The following DSE variants were observed in gnomAD, a reference collection of about 807,000 sequenced individuals.
The protein encoded by DSE is dermatan sulfate epimerase.
DSE carries 36 observed loss-of-function variants against 84.4 expected under a neutral mutation model. That is an observed-to-expected ratio of 0.43 (90% confidence interval 0.33 to 0.56). The LOEUF (loss-of-function observed/expected upper bound fraction) is 0.56, where lower values mean the gene tolerates loss of function less well. Ranked by LOEUF, DSE falls within the 20% of genes least tolerant of loss-of-function variation. The pLI is 0.06. For synonymous variants in DSE, 410 were observed against 430.1 expected (o/e 0.95, Z 0.58); for missense variants, 862 against 1,169.6 (o/e 0.74, Z 3.84).
At chr6:116,286,364 T>C (rs1050268289) in intron 2 of DSE, among the ~76,000 whole-genome samples, 1 of 152,134 alleles carries the variant, frequency 6.6e-6, no homozygotes, top group Non-Finnish European at 1.5e-5. Context: ...TTCTTCTCTC[T>C]TCCCTCTTTC....
At chr6:116,403,024 A>C (rs1427259837) in intron 2 of DSE, among the ~76,000 whole-genome samples, 1 of 152,262 alleles carries the variant, frequency 6.6e-6, no homozygotes, top group Non-Finnish European at 1.5e-5. Flanking sequence ...TCCATCTAAT[A>C]GCCTACAAAG....
upstream of DSE, among the ~76,000 whole-genome samples, chr6:116,368,748 G>A (rs1779316382): frequency 6.6e-6 from 1 of 152,224 alleles, no homozygotes. Context: ...GGGTTTGAGA[G>A]AGATGTTGGC....
At chr6:116,352,946 G>C (rs1257079465) in intron 2 of DSE, among the ~76,000 whole-genome samples, 1 of 151,884 alleles carries the variant, frequency 6.6e-6, no homozygotes, top group South Asian at 2.1e-4. Context: ...CTCTCTTCCA[G>C]AATGAATGAT....
At chr6:116,295,087 T>G (rs367841336) in intron 2 of DSE, among the ~76,000 whole-genome samples, 6 of 152,286 alleles carry the variant, frequency 3.9e-5, no homozygotes, top group Admixed American at 3.9e-4. Flanking sequence ...TTAGGTATAT[T>G]CTACCAAGTA....
intron 2 of DSE, among the ~76,000 whole-genome samples, chr6:116,283,168 A>G (rs1183893134): frequency 6.6e-6 from 1 of 152,242 alleles, no homozygotes; most frequent in Non-Finnish European, 1.5e-5. Context: ...TAGGCATTTT[A>G]CATGCATTAA....
intron 2 of DSE, chr6:116,400,646 T>C (rs1429365715): frequency 6.6e-6 from 1 of 152,220 alleles, no homozygotes; most frequent in Non-Finnish European, 1.5e-5. Context: ...ATTAAATCCA[T>C]ATCAGAGCTG....
intron 1 of DSE, among the ~76,000 whole-genome samples, chr6:116,384,905 G>C (rs987267259): frequency 6.6e-6 from 1 of 152,190 alleles, no homozygotes; most frequent in Non-Finnish European, 1.5e-5. Context: ...TAAGTGCCAT[G>C]AAGAGAAATA....
At chr6:116,299,468 A>G (rs994938041) in intron 2 of DSE, among the ~76,000 whole-genome samples, 18 of 148,420 alleles carry the variant, frequency 1.2e-4, no homozygotes. Context: ...AGAAATGTAA[A>G]TAAATTCTCA....
At chr6:116,304,883 G>A (rs894012783) in intron 2 of DSE, among the ~76,000 whole-genome samples, 1 of 152,162 alleles carries the variant, frequency 6.6e-6, no homozygotes, top group Non-Finnish European at 1.5e-5. Context: ...GCTGTGTTCA[G>A]TTGGGAAATA....
intron 2 of DSE, among the ~76,000 whole-genome samples, chr6:116,290,280 T>C (rs1215505479): frequency 6.6e-6 from 1 of 152,150 alleles, no homozygotes; most frequent in Non-Finnish European, 1.5e-5. Context: ...GTATCATTAG[T>C]GCCTAGCACC....
chr6:116,303,497 C>T (rs1353192937), intron 2 of DSE, among the ~76,000 whole-genome samples: 1 of 152,068 alleles, frequency 6.6e-6, no homozygotes, highest in Admixed American at 6.5e-5. Flanking sequence ...CAACATCTGG[C>T]ATGTTGTAGA....
intron 2 of DSE, among the ~76,000 whole-genome samples, chr6:116,316,737 A>G (rs1188522089): frequency 6.6e-6 from 1 of 152,002 alleles, no homozygotes; most frequent in Admixed American, 6.6e-5. Flanking sequence ...AACTAATTAC[A>G]GAAAGGAAGA....
chr6:116,422,083 T>G (rs1783128809), intron 2 of DSE, among the ~76,000 whole-genome samples: 1 of 152,236 alleles, frequency 6.6e-6, no homozygotes, highest in Non-Finnish European at 1.5e-5. Flanking sequence ...CATTGGCATA[T>G]TTTACACTTA....
At chr6:116,332,657 GAC>G (rs1349739774) in intron 2 of DSE, among the ~76,000 whole-genome samples, 5 of 151,886 alleles carry the variant, frequency 3.3e-5, no homozygotes, top group Non-Finnish European at 7.4e-5. Context: ...TATTAAGCAG[GAC>G]ACACACAAAA....
chr6:116,366,934 C>G (rs1779197527), upstream of DSE: 1 of 152,224 alleles, frequency 6.6e-6, no homozygotes, highest in African/African-American at 2.4e-5. Context: ...GCAGAAATCT[C>G]AAATTGTGAC....
intron 1 of DSE, among the ~76,000 whole-genome samples, chr6:116,389,695 C>G (rs188919208): frequency 6.6e-6 from 1 of 152,204 alleles, no homozygotes; most frequent in Admixed American, 6.5e-5. Context: ...TATTTTTATT[C>G]ATCCTCTTTT....
chr6:116,417,796 CA>C (rs1782810965), intron 2 of DSE, among the ~76,000 whole-genome samples: 1 of 152,114 alleles, frequency 6.6e-6, no homozygotes, highest in South Asian at 2.1e-4. Flanking sequence ...GTTTTGTTCC[CA>C]AAGTAGATAT....
chr6:116,267,509 T>C (rs573061470), intron 2 of DSE, among the ~76,000 whole-genome samples: 9 of 152,266 alleles, frequency 5.9e-5, no homozygotes, highest in South Asian at 2.1e-4. Context: ...TGTACAGCTG[T>C]ACAATATTTG....
At chr6:116,357,117 A>G (rs540427616) in intron 2 of DSE, among the ~76,000 whole-genome samples, 1 of 152,276 alleles carries the variant, frequency 6.6e-6, no homozygotes, top group Admixed American at 6.5e-5. Context: ...CCGCATGTTT[A>G]CTAACATTCT....
Sources: allele counts gnomAD v4.1 joint callset (sites outside exome capture counted in the v4.1 genomes callset), GRCh38; gene constraint gnomAD v4.1.1; transcripts MANE v1.5; gene names NCBI Gene and HGNC (gene_info 2026-07-23, HGNC 2026-07-21).